The following ADAM10 variants were observed in gnomAD, a reference collection of about 807,000 sequenced individuals.
ADAM10 encodes ADAM metallopeptidase domain 10, also known as disintegrin and metalloproteinase domain-containing protein 10.
ADAM10 carries 17 observed loss-of-function variants against 90.1 expected under a neutral mutation model. That is an observed-to-expected ratio of 0.19 (90% confidence interval 0.13 to 0.28). The LOEUF (loss-of-function observed/expected upper bound fraction) is 0.28, where lower values mean the gene tolerates loss of function less well. ADAM10 is among the 10% of genes least tolerant of loss of function. The pLI is 1.00. For synonymous variants in ADAM10, 310 were observed against 298.6 expected, an observed-to-expected ratio of 1.04 and a Z score of -0.40; for missense variants, 610 against 914.3, an observed-to-expected ratio of 0.67 and a Z score of 4.29.
intron 14 of ADAM10, among the ~76,000 whole-genome samples, chr15:58,607,036 A>AAT (rs1895296868): frequency 6.6e-6 from 1 of 152,268 alleles, no homozygotes; most frequent in African/African-American, 2.4e-5. Context: ...ATGATTTTTA[A>AAT]AAGAATGTTT....
intron 5 of ADAM10, among the ~76,000 whole-genome samples, chr15:58,657,718 T>C (rs1896862051): frequency 6.6e-6 from 1 of 152,196 alleles, no homozygotes; most frequent in African/African-American, 2.4e-5. Flanking sequence ...TTAGTTTCTT[T>C]GGTGAAGTCA....
At position 58,659,970 on chromosome 15, in the gene ADAM10, C is replaced by T. The variant is rs188197094; in HGVS notation, c.585+5127G>A. Among the ~76,000 whole-genome samples the T allele has an allele frequency of 5.1e-3, 774 of 152,218 alleles. 11 individuals carry two copies. Among genetic ancestry groups the T allele is most frequent in the Non-Finnish European group, 5.6e-3 (379 of 67,990 alleles). On this transcript the variant is annotated intron_variant, in intron 5 of 15. Transcript: ENST00000260408. The stretch of plus-strand genomic sequence containing the variant: ...GTCTCGATCTCCTGATCTTGTGATC[C>T]GCCTGCCTCGGCCTCCCAAAGTGCT...
rs754859506 is a variant in ADAM10, at chr15:58,640,958, G to C, written c.831C>G (p.Ile277Met). The C allele has an allele frequency of 1.9e-6, 3 of 1,613,480 alleles. No individual in the cohort carries two copies. The highest frequency in any genetic ancestry group is 1.7e-6 in the Non-Finnish European group (2 of 1,179,504). Residue 277 changes from isoleucine (I) to methionine (M), a missense_variant and splice_region_variant, in exon 8 of 16, where the codon ATC (isoleucine) becomes ATG (methionine). Around this residue, in one of 4 missense-constraint regions of ADAM10, gnomAD observed 310 missense variants for 362.4 expected, o/e 0.86. Transcript: ENST00000260408. ...GGTCCTTCTCATCAGCAGTTGTATT[G>C]ATCTAAAATCCAAAACAATAATTTA... Reference protein sequence around the residue: ...NISFMVKRIRINTTADEKDPT... With the variant: ...NISFMVKRIRMNTTADEKDPT...
At chr15:58,673,580 T>C (rs1200479839) in intron 4 of ADAM10, among the ~76,000 whole-genome samples, 1 of 138,012 alleles carries the variant, frequency 7.2e-6, no homozygotes, top group Non-Finnish European at 1.5e-5. Flanking sequence ...TATATATAAC[T>C]AATCAGAAAA....
intron 9 of ADAM10, 66 bp downstream of exon 9, chr15:58,633,130 T>C: frequency 6.9e-7 from 1 of 1,449,088 alleles, no homozygotes; most frequent in Non-Finnish European, 9.6e-7. Context: ...GAATTTTAAA[T>C]AAATCACTCA....
intron 2 of ADAM10, among the ~76,000 whole-genome samples, chr15:58,710,097 G>A (rs1898427320): frequency 6.6e-6 from 1 of 152,066 alleles, no homozygotes; most frequent in Admixed American, 6.6e-5. Context: ...GGCCAACATG[G>A]TGAAACCCCA....
At position 58,611,380 on chromosome 15, in the gene ADAM10, C is replaced by A. The variant is rs186923364; in HGVS notation, c.1696-273G>T. ...GCAGAGCAAGAGATTAGATGAGGATCGATTTTATGTTGGTTATTACGGCTC... is the reference window on the plus strand; with the variant it reads ...GCAGAGCAAGAGATTAGATGAGGATAGATTTTATGTTGGTTATTACGGCTC... On this transcript the variant is annotated intron_variant, in intron 12 of 15. Transcript: ENST00000260408. The A allele has an allele frequency of 2.1e-5, 9 of 418,706 alleles. No individual in the cohort carries two copies. The Admixed American group carries it at 2.4e-4, about 11-fold the overall frequency. The allele number at this position is 418,706 out of a possible 1,614,324, so 25.9% of individuals were successfully genotyped here. A position where few individuals can be genotyped will look rare whatever the true frequency, so the allele number is the denominator to read the frequency against.
chr15:58,641,048 G>A, intron 7 of ADAM10, 88 bp from the exon 8 acceptor site: 1 of 1,232,012 alleles, frequency 8.1e-7, no homozygotes, highest in Non-Finnish European at 1.2e-6. Flanking sequence ...GCGTACACCT[G>A]GACAATATGC....
chr15:58,746,803 C>G (rs146764977), intron 1 of ADAM10, among the ~76,000 whole-genome samples: 2 of 152,150 alleles, frequency 1.3e-5, no homozygotes, highest in Non-Finnish European at 2.9e-5. Context: ...ATGGAGTTAA[C>G]TGGACTCAAA....
intron 7 of ADAM10, 21 bp downstream of exon 7, chr15:58,643,865 T>C (rs762694547): frequency 6.4e-7 from 1 of 1,561,962 alleles, no homozygotes. Context: ...TTAAGTGTTT[T>C]TAACTATTTA....
In ADAM10 at chr15:58,749,117, C is replaced by T. The variant is rs1051656839; in HGVS notation, c.55+363G>A. The T allele has an allele frequency of 3.8e-5, 15 of 398,014 alleles. No homozygotes were observed. In the Admixed American group the frequency reaches 6.6e-4, roughly 18 times the overall value. The allele number at this position is 398,014 out of a possible 1,614,324, so 24.7% of individuals were successfully genotyped here. Reference sequence around the variant, plus strand: ...GCCTCGCTGCGGCTGCCTGCACCGGCGCCCGCCGAGCAGACTGGAGGGATG... The same window carrying T: ...GCCTCGCTGCGGCTGCCTGCACCGGTGCCCGCCGAGCAGACTGGAGGGATG... On this transcript the variant is annotated intron_variant, in intron 1 of 15. Transcript: ENST00000260408.
chr15:58,610,036 C>T, intron 14 of ADAM10: 1 of 452,100 alleles, frequency 2.2e-6, no homozygotes. Context: ...AAGAAGTAAC[C>T]CATCCAGGAG....
chr15:58,693,002 C>A, intron 2 of ADAM10: 1 of 782,334 alleles, frequency 1.3e-6, no homozygotes, highest in Non-Finnish European at 2.3e-6. Context: ...TTACCACCGT[C>A]CAACTTGGAA....
intron 4 of ADAM10, 24 bp from the exon 5 acceptor site, chr15:58,665,221 A>G (rs1349559526): frequency 2.0e-6 from 3 of 1,499,260 alleles, no homozygotes; most frequent in African/African-American, 2.8e-5. Context: ...AAGAAACGTC[A>G]TTACTATCAC....
intron 2 of ADAM10, among the ~76,000 whole-genome samples, chr15:58,696,564 CA>C (rs1897986566): frequency 6.6e-6 from 1 of 151,192 alleles, no homozygotes; most frequent in Admixed American, 6.6e-5. Flanking sequence ...CTCCCAGGTT[CA>C]AGTGATTCTT....
At chr15:58,632,982 A>G (rs1243839464) in intron 9 of ADAM10, among the ~76,000 whole-genome samples, 1 of 152,216 alleles carries the variant, frequency 6.6e-6, no homozygotes, top group Non-Finnish European at 1.5e-5. Context: ...TTGCCTTCAC[A>G]GAATTCTAGC....
chr15:58,611,306 A>C, intron 12 of ADAM10, 199 bp from the exon 13 acceptor site: 1 of 567,340 alleles, frequency 1.8e-6, no homozygotes. Flanking sequence ...AATCCAAGAA[A>C]GATAGTAAAT....
chr15:58,642,399 A>G (rs1277527953), intron 7 of ADAM10, among the ~76,000 whole-genome samples: 2 of 151,918 alleles, frequency 1.3e-5, no homozygotes, highest in African/African-American at 4.8e-5. Flanking sequence ...TGGAAGGCAG[A>G]GGCTGCAGTG....
At chr15:58,747,398 C>T (rs1223461761) in intron 1 of ADAM10, 5 of 152,196 alleles carry the variant, frequency 3.3e-5, no homozygotes, top group African/African-American at 7.2e-5. Flanking sequence ...AAATGATTTA[C>T]ATTTTAAGTT....
Sources: gnomAD v4.1 joint callset for allele counts (sites outside exome capture counted in the v4.1 genomes callset) on GRCh38, gnomAD v4.1.1 for gene constraint, gnomAD v4.1.1 regional missense constraint, MANE v1.5 for transcripts, NCBI Gene and HGNC (gene_info 2026-07-23, HGNC 2026-07-21) for gene names.